Variants in NHS observed in about 807,000 individuals in gnomAD.
NHS encodes the protein NHS actin remodeling regulator, also known as actin remodeling regulator NHS.
A neutral mutation model predicts 72.5 loss-of-function variants in NHS; 5 were observed. The ratio of observed to expected loss-of-function variants is 0.07; its 90% CI spans 0.04 to 0.14. The LOEUF is 0.14. NHS is among the 10% of genes least tolerant of loss of function. The probability of loss-of-function intolerance (pLI) is 1.00; values close to 1 mark genes in which losing one functional copy is unlikely to be tolerated. For missense variants in NHS, 1,072 were observed against 1,355.7 expected (o/e 0.79, Z 3.29); for synonymous variants, 464 against 547.7 (o/e 0.85, Z 2.13).
At chrX:17,480,870 ATT>A (rs1021399725) in intron 1 of NHS, among the ~76,000 whole-genome samples, 6 of 110,976 alleles carry the variant, frequency 5.4e-5, no homozygotes, top group African/African-American at 2.0e-4. Context: ...GCGATTTTGC[ATT>A]TCTCTTTATA....
intron 1 of NHS, among the ~76,000 whole-genome samples, chrX:17,615,786 C>CA (rs1569294445): frequency 3.2e-5 from 3 of 92,420 alleles, no homozygotes. Context: ...CCCACCCCCC[C>CA]ACCCCACCGA....
Position 17,635,651 on chromosome X carries a change from T to C in NHS, c.566-52091T>C. On this transcript the variant is annotated intron_variant, in intron 1 of 8. Transcript: ENST00000676302. ...GGCAAGACAAAGGGGAGGGGGAGGC[T>C]GGGTCTAACGAAGAGGGGCTTGTGC... 6.3e-6 allele frequency: 7 copies of C among 1,111,577 alleles called. No individual in the cohort carries two copies. In the South Asian group the frequency reaches 9.9e-5, roughly 16 times the overall value. The allele number at this position is 1,111,577 out of a possible 1,213,427, so 91.6% of individuals were successfully genotyped here.
chrX:17,467,195 C>T (rs1333066559), intron 1 of NHS, among the ~76,000 whole-genome samples: 14 of 111,647 alleles, frequency 1.3e-4, no homozygotes, highest in Non-Finnish European at 2.6e-4. Context: ...CTTAATGTTC[C>T]TAATTAATGA....
chrX:17,527,521 G>A (rs1315961038), intron 1 of NHS, among the ~76,000 whole-genome samples: 2 of 112,345 alleles, frequency 1.8e-5, no homozygotes, highest in African/African-American at 6.5e-5. Context: ...TCATTTTGTG[G>A]TCTGAGCAGC....
chrX:17,600,258 G>A (rs2065642746), intron 1 of NHS, among the ~76,000 whole-genome samples: 1 of 108,459 alleles, frequency 9.2e-6, no homozygotes, highest in Non-Finnish European at 1.9e-5. Context: ...CCAACCCCAG[G>A]GGGCAAGGCA....
intron 1 of NHS, chrX:17,528,607 C>T (rs1187562207): frequency 1.8e-5 from 2 of 111,945 alleles, no homozygotes; most frequent in Non-Finnish European, 3.8e-5. Context: ...GGCTGCTCAT[C>T]TTTGACTCTT....
intron 1 of NHS, among the ~76,000 whole-genome samples, chrX:17,546,549 A>G (rs2065294357): frequency 8.9e-6 from 1 of 112,272 alleles, no homozygotes; most frequent in Admixed American, 9.4e-5. Flanking sequence ...TCATTCATTC[A>G]TTGGTTCACT....
chrX:17,724,180 G>A (rs1316602981), intron 5 of NHS, 119 bp from the exon 6 acceptor site: 1 of 913,919 alleles, frequency 1.1e-6, no homozygotes, highest in Non-Finnish European at 1.6e-6. Flanking sequence ...CCTTATATTT[G>A]TTCACAGGCT....
chrX:17,574,781 C>T (rs144257806), intron 1 of NHS, among the ~76,000 whole-genome samples: 55 of 111,476 alleles, frequency 4.9e-4, no homozygotes, highest in African/African-American at 1.7e-3. Flanking sequence ...TCTTCTGCAT[C>T]GATCTCGCTG....
chrX:17,508,060 A>G (rs1163265040), intron 1 of NHS, among the ~76,000 whole-genome samples: 1 of 111,796 alleles, frequency 8.9e-6, no homozygotes, highest in African/African-American at 3.3e-5. Context: ...CGAAATTTGC[A>G]TAACAAAATT....
At chrX:17,476,584 G>A (rs2064919119) in intron 1 of NHS, among the ~76,000 whole-genome samples, 2 of 111,304 alleles carry the variant, frequency 1.8e-5, no homozygotes, top group African/African-American at 6.5e-5. Context: ...TTTATTTTGT[G>A]TGTGGGTGTG....
At position 17,652,182 on chromosome X, in the gene NHS, A is replaced by G. The variant is rs1430389892; in HGVS notation, c.566-35560A>G. Among the ~76,000 whole-genome samples the G allele has an allele frequency of 2.7e-5, 3 of 112,710 alleles. No individual in the cohort carries two copies. In the East Asian group the frequency reaches 8.3e-4, roughly 31 times the overall value. On this transcript the variant is annotated intron_variant, in intron 1 of 8. Coordinates refer to ENST00000676302, the MANE Select transcript of NHS (RefSeq NM_001291867.2). The stretch of plus-strand genomic sequence containing the variant: ...CAGAAAAAGTTTGTTGGCCCCTGCT[A>G]TAGATCATCACTGTCCTAAAAAAGG...
Position 17,727,487 on chromosome X carries a change from T to G in NHS, c.3381T>G (p.Pro1127=). The G allele has an allele frequency of 8.3e-7, 1 of 1,211,394 alleles. No homozygotes were observed. The highest frequency in any genetic ancestry group is 1.1e-6 in the Non-Finnish European group (1 of 895,116). ...NTVGETLRSN[P]PPSLAITPTI... ...TAGGAGAAACACTGAGGTCGAATCC[T>G]CCACCGTCCCTTGCAATTACACCAA... Residue 1127 remains proline, a synonymous_variant, in exon 7 of 9, where the codon CCT becomes CCG. Transcript: ENST00000676302.
chrX:17,593,783 C>T (rs1019823853), intron 1 of NHS, among the ~76,000 whole-genome samples: 2 of 111,507 alleles, frequency 1.8e-5, no homozygotes, highest in Non-Finnish European at 3.8e-5. Context: ...TCTGTATCCA[C>T]AATACCTGGC....
intron 1 of NHS, among the ~76,000 whole-genome samples, chrX:17,505,843 G>A (rs1020855334): frequency 6.3e-5 from 7 of 111,105 alleles, no homozygotes; most frequent in Non-Finnish European, 1.1e-4. Context: ...GCATGTGCCT[G>A]TATATGCATG....
chrX:17,529,153 G>A (rs1170876437), intron 1 of NHS, among the ~76,000 whole-genome samples: 2 of 110,830 alleles, frequency 1.8e-5, no homozygotes, highest in East Asian at 2.8e-4. Flanking sequence ...TGTACTGCTT[G>A]TCAAGAAGGG....
intron 1 of NHS, chrX:17,635,633 C>T (rs1469391333): frequency 2.6e-6 from 3 of 1,151,030 alleles, no homozygotes; most frequent in South Asian, 3.8e-5. Context: ...CTTGGCAAGA[C>T]AAAGGGGAGG....
At chrX:17,526,358 T>C (rs2065173265) in intron 1 of NHS, among the ~76,000 whole-genome samples, 2 of 112,558 alleles carry the variant, frequency 1.8e-5, no homozygotes, top group South Asian at 7.4e-4. Context: ...ATCTGGGATG[T>C]TCCCCCTGGC....
At chrX:17,599,520 C>T (rs1332771202) in intron 1 of NHS, among the ~76,000 whole-genome samples, 1 of 110,568 alleles carries the variant, frequency 9.0e-6, no homozygotes, top group Admixed American at 9.7e-5. Context: ...AAAGACAGCT[C>T]CCATATATCT....
Sources: gnomAD v4.1 joint callset for allele counts (sites outside exome capture counted in the v4.1 genomes callset) on GRCh38, gnomAD v4.1.1 for gene constraint, MANE v1.5 for transcripts, NCBI Gene and HGNC (gene_info 2026-07-23, HGNC 2026-07-21) for gene names.